Variants in PPP6C observed in about 807,000 individuals in gnomAD.
The protein encoded by PPP6C is serine/threonine-protein phosphatase 6 catalytic subunit.
In PPP6C, 11 loss-of-function variants were observed where a neutral mutation model predicts 39.8. That is an observed-to-expected ratio of 0.28 (90% CI 0.17 to 0.46). The LOEUF (loss-of-function observed/expected upper bound fraction) is 0.46, where lower values mean the gene tolerates loss of function less well. Ranked by LOEUF, PPP6C falls within the 20% of genes least tolerant of loss-of-function variation. The pLI, the probability that PPP6C is intolerant of heterozygous loss-of-function variation, is 1.00. For synonymous variants in PPP6C, 129 were observed against 130.3 expected, an observed-to-expected ratio of 0.99 and a Z score of 0.07; for missense variants, 211 against 373.9, an observed-to-expected ratio of 0.56 and a Z score of 3.59.
chr9:125,189,569 G>A (rs767424676), intron 1 of PPP6C, 75 bp downstream of exon 1: 5 of 1,601,744 alleles, frequency 3.1e-6, no homozygotes, highest in South Asian at 2.2e-5. Context: ...TACCCGGCGG[G>A]GGTCCTGGAG....
At chr9:125,162,320 T>G (rs953481274) in intron 2 of PPP6C, among the ~76,000 whole-genome samples, 3 of 151,526 alleles carry the variant, frequency 2.0e-5, no homozygotes, top group African/African-American at 7.3e-5. Flanking sequence ...TATCCAGGGG[T>G]GGTGGCCTGC....
At chr9:125,150,578 C>A in intron 6 of PPP6C, 1 of 687,930 alleles carries the variant, frequency 1.5e-6, no homozygotes, top group Non-Finnish European at 2.5e-6. Flanking sequence ...AGTCTCTGGG[C>A]CGACTTTGGT....
chr9:125,159,976 C>T (rs1227036207), intron 3 of PPP6C, among the ~76,000 whole-genome samples: 2 of 151,714 alleles, frequency 1.3e-5, no homozygotes, highest in African/African-American at 4.8e-5. Flanking sequence ...AAGCCAATCG[C>T]ACCACTGCAC....
chr9:125,154,734 G>A (rs1836027262), intron 4 of PPP6C, among the ~76,000 whole-genome samples: 1 of 152,192 alleles, frequency 6.6e-6, no homozygotes, highest in Non-Finnish European at 1.5e-5. Context: ...AGTTATAGGA[G>A]CATGAGCAAT....
chr9:125,186,470 G>A (rs1174089356), intron 1 of PPP6C, among the ~76,000 whole-genome samples: 1 of 152,064 alleles, frequency 6.6e-6, no homozygotes, highest in African/African-American at 2.4e-5. Context: ...TACAGGCCAA[G>A]TATAGTGGCT....
intron 2 of PPP6C, among the ~76,000 whole-genome samples, chr9:125,163,705 A>T (rs1233357163): frequency 6.6e-6 from 1 of 152,030 alleles, no homozygotes; most frequent in Non-Finnish European, 1.5e-5. Context: ...CTGGGATTAC[A>T]GGCGTGAGCC....
chr9:125,154,392 GTATT>G (rs1033700717), intron 4 of PPP6C, among the ~76,000 whole-genome samples: 1 of 152,178 alleles, frequency 6.6e-6, no homozygotes, highest in African/African-American at 2.4e-5. Flanking sequence ...ACAATGGTAA[GTATT>G]TGTGCAATAG....
At chr9:125,166,263 G>A (rs960394756) in intron 2 of PPP6C, among the ~76,000 whole-genome samples, 3 of 152,018 alleles carry the variant, frequency 2.0e-5, no homozygotes, top group Admixed American at 6.6e-5. Context: ...TTTAAGTGTC[G>A]GAAACTGTTA....
At chr9:125,187,000 G>A (rs1177314646) in intron 1 of PPP6C, among the ~76,000 whole-genome samples, 1 of 125,542 alleles carries the variant, frequency 8.0e-6, no homozygotes, top group Non-Finnish European at 1.6e-5. Context: ...AGGCTGGACT[G>A]CAGTGGCGCA....
intron 4 of PPP6C, 27 bp downstream of exon 4, chr9:125,158,214 C>A: frequency 6.4e-7 from 1 of 1,569,818 alleles, no homozygotes; most frequent in Non-Finnish European, 8.7e-7. Context: ...AAATAATATT[C>A]AGAATCAGAG....
At chr9:125,176,012 T>A (rs1191821780) in intron 1 of PPP6C, among the ~76,000 whole-genome samples, 2 of 151,794 alleles carry the variant, frequency 1.3e-5, no homozygotes, top group Non-Finnish European at 2.9e-5. Flanking sequence ...AGGGATGGGG[T>A]GCTGGGGTGG....
intron 1 of PPP6C, among the ~76,000 whole-genome samples, chr9:125,176,600 T>G (rs1485598697): frequency 1.3e-5 from 2 of 151,980 alleles, no homozygotes; most frequent in East Asian, 3.9e-4. Flanking sequence ...AAAGCTGCAG[T>G]GAGGTGAGAC....
At chr9:125,164,196 C>T (rs1016660714) in intron 2 of PPP6C, among the ~76,000 whole-genome samples, 2 of 145,678 alleles carry the variant, frequency 1.4e-5, no homozygotes, top group Non-Finnish European at 3.0e-5. Context: ...CTACCATCTA[C>T]TCTATGTCTC....
At chr9:125,166,788 T>C (rs564228019) in intron 2 of PPP6C, among the ~76,000 whole-genome samples, 1 of 152,218 alleles carries the variant, frequency 6.6e-6, no homozygotes, top group Non-Finnish European at 1.5e-5. Context: ...GTGCTGGGAT[T>C]ACAGGTGTGA....
Position 125,171,120 on chromosome 9 carries a change from T to C in PPP6C, c.136A>G (p.Thr46Ala). Residue 46 changes from threonine to alanine, a missense_variant, in exon 2 of 7, where the codon ACA becomes GCA. Around this residue, in one of 2 missense-constraint regions of PPP6C, gnomAD observed 168 missense variants for 342.6 expected, o/e 0.49. Transcript: ENST00000373547. Reference protein sequence around the residue: ...LEESNVQPVSTPVTVCGDIHG... With the variant: ...LEESNVQPVSAPVTVCGDIHG... Reference sequence around the variant, plus strand: ...ATATCTCCACACACTGTTACTGGTGTTGATACTGGCTGAACATTTGACTCT... The same window carrying C: ...ATATCTCCACACACTGTTACTGGTGCTGATACTGGCTGAACATTTGACTCT... 2 of 1,604,698 alleles carry C rather than the reference T, an allele frequency of 1.2e-6. No homozygotes were observed. Among genetic ancestry groups the C allele is most frequent in the Non-Finnish European group, 1.7e-6 (2 of 1,173,586 alleles).
rs1331853300 is a variant in PPP6C at position 125,172,750 on chromosome 9, CAA to C, written c.76-1572_76-1571del. Among the ~76,000 whole-genome samples the C allele has an allele frequency of 0.019, 2,326 of 125,118 alleles. 107 individuals carry two copies. The East Asian group carries it at 0.22, about 12-fold the overall frequency. 82.1% of individuals were successfully genotyped at this position (125,118 alleles called of 152,430 possible). On this transcript the variant is annotated intron_variant, in intron 1 of 6. Coordinates refer to ENST00000373547, the MANE Select transcript of PPP6C (RefSeq NM_002721.5). ...ACACACACACACACACACACACACA[CAA>C]ACACACACACACACACACAAACACA...
In PPP6C at chr9:125,147,876, G is replaced by A. The variant is rs1002384945; in HGVS notation, c.*1797C>T. The A allele has an allele frequency of 1.6e-5, 3 of 184,808 alleles. No individual in the cohort carries two copies. The highest frequency in any genetic ancestry group is 7.2e-5 in the African/African-American group (3 of 41,524). The allele number at this position is 184,808 out of a possible 1,614,324, so 11.4% of individuals were successfully genotyped here. A position where few individuals can be genotyped will look rare whatever the true frequency, so the allele number is the denominator to read the frequency against. ...GTTGTCTGCATCATTAATTTCCAGTGTTTCACAATTAGTAAAATACATAGC... is the reference window on the plus strand; with the variant it reads ...GTTGTCTGCATCATTAATTTCCAGTATTTCACAATTAGTAAAATACATAGC... On this transcript the variant is annotated 3_prime_UTR_variant, in exon 7 of 7. Transcript: ENST00000373547.
chr9:125,152,123 T>G (rs1248943392), intron 6 of PPP6C, among the ~76,000 whole-genome samples: 120 of 127,154 alleles, frequency 9.4e-4, no homozygotes, highest in East Asian at 1.5e-3. Context: ...GGGTGGGGGG[T>G]GGTTGAGGGG....
intron 1 of PPP6C, among the ~76,000 whole-genome samples, chr9:125,173,102 C>A (rs1261030906): frequency 6.6e-6 from 1 of 151,936 alleles, no homozygotes; most frequent in African/African-American, 2.4e-5. Flanking sequence ...CATGGCAAAA[C>A]CCCCTATCTC....
Sources: allele counts gnomAD v4.1 joint callset (sites outside exome capture counted in the v4.1 genomes callset), GRCh38; gene constraint gnomAD v4.1.1; regional missense constraint gnomAD v4.1.1; transcripts MANE v1.5; gene names NCBI Gene and HGNC (gene_info 2026-07-23, HGNC 2026-07-21).